BRINP3: variants seen among roughly 807,000 people sequenced by gnomAD.
BRINP3 encodes BMP/retinoic acid-inducible neural-specific protein 3.
Under a neutral mutation model 71.0 loss-of-function variants are expected in BRINP3, and 19 were observed. That is an observed-to-expected ratio of 0.27 (90% confidence interval 0.19 to 0.39). The LOEUF (loss-of-function observed/expected upper bound fraction) is 0.39, where lower values mean the gene tolerates loss of function less well. Ranked by LOEUF, BRINP3 falls within the 10% of genes least tolerant of loss-of-function variation. The pLI is 1.00. For synonymous variants in BRINP3, 380 were observed against 337.7 expected (o/e 1.13, Z -1.37); for missense variants, 959 against 940.8 (o/e 1.02, Z -0.25).
chr1:190,102,171 T>G lies in BRINP3; in HGVS notation c.1185-3037A>C, dbSNP rs146520365. Among the ~76,000 whole-genome samples, 199 of 152,280 alleles carry G rather than the reference T, an allele frequency of 1.3e-3. 2 individuals are homozygous for G. In the East Asian group the frequency reaches 0.036, roughly 27 times the overall value. Reference sequence around the variant, plus strand: ...AAGAAAGAAGAAATTTAGTTACCTGTCTTTTCTTTACTCCTTGTGTAATCT... The same window carrying G: ...AAGAAAGAAGAAATTTAGTTACCTGGCTTTTCTTTACTCCTTGTGTAATCT... On this transcript the variant is annotated intron_variant, in intron 7 of 7. Transcript: ENST00000367462.
chr1:190,365,461 T>C (rs1231788249), intron 2 of BRINP3, among the ~76,000 whole-genome samples: 2 of 150,912 alleles, frequency 1.3e-5, no homozygotes. Flanking sequence ...GGGAGATAGG[T>C]ATTAAACAAA....
intron 4 of BRINP3, among the ~76,000 whole-genome samples, chr1:190,261,187 A>G (rs1464876220): frequency 6.6e-6 from 1 of 151,984 alleles, no homozygotes; most frequent in Non-Finnish European, 1.5e-5. Context: ...ATCACCGTCA[A>G]TTATATAGCA....
chr1:190,435,793 A>G (rs910148118), intron 2 of BRINP3, among the ~76,000 whole-genome samples: 2 of 151,980 alleles, frequency 1.3e-5, no homozygotes, highest in South Asian at 2.1e-4. Flanking sequence ...TACCTCCAGT[A>G]CCATACTTGT....
intron 2 of BRINP3, among the ~76,000 whole-genome samples, chr1:190,371,936 A>G (rs1669895034): frequency 1.3e-5 from 2 of 152,152 alleles, no homozygotes; most frequent in African/African-American, 4.8e-5. Context: ...TCACGGTGAC[A>G]TAAGCTTCAG....
intron 6 of BRINP3, among the ~76,000 whole-genome samples, chr1:190,218,662 T>C (rs1656614186): frequency 2.6e-5 from 4 of 152,166 alleles, no homozygotes; most frequent in African/African-American, 7.2e-5. Flanking sequence ...TGCTATGCTA[T>C]AGATCTCAAA....
chr1:190,233,811 A>G (rs772500270), intron 5 of BRINP3, among the ~76,000 whole-genome samples: 33 of 152,186 alleles, frequency 2.2e-4, no homozygotes, highest in Non-Finnish European at 4.4e-4. Context: ...AATACTCTTT[A>G]TTGAATATCT....
At chr1:190,347,479 T>C (rs1461204313) in intron 2 of BRINP3, among the ~76,000 whole-genome samples, 2 of 152,116 alleles carry the variant, frequency 1.3e-5, no homozygotes, top group Non-Finnish European at 2.9e-5. Context: ...TTATGCAAAA[T>C]TGGAATTTTA....
intron 2 of BRINP3, among the ~76,000 whole-genome samples, chr1:190,436,274 G>C (rs1173294966): frequency 2.0e-5 from 3 of 151,912 alleles, no homozygotes; most frequent in African/African-American, 7.2e-5. Context: ...TGAATCAGAA[G>C]CATATTTTTT....
intron 2 of BRINP3, among the ~76,000 whole-genome samples, chr1:190,382,404 T>A (rs2102255397): frequency 6.6e-6 from 1 of 152,180 alleles, no homozygotes; most frequent in South Asian, 2.1e-4. Context: ...AAATTAGAAA[T>A]GTGGACTCAT....
At chr1:190,455,768 G>A (rs1027230683) in intron 1 of BRINP3, among the ~76,000 whole-genome samples, 16 of 152,042 alleles carry the variant, frequency 1.1e-4, no homozygotes, top group Non-Finnish European at 4.4e-5. Context: ...TTAAGCTAAT[G>A]CAGACTATTC....
intron 7 of BRINP3, among the ~76,000 whole-genome samples, chr1:190,123,023 A>G (rs1263213972): frequency 1.3e-5 from 2 of 152,064 alleles, no homozygotes. Context: ...TTTCTAACAC[A>G]TTATTCTTGA....
chr1:190,108,514 C>G (rs1255974525), intron 7 of BRINP3, among the ~76,000 whole-genome samples: 1 of 151,024 alleles, frequency 6.6e-6, no homozygotes, highest in African/African-American at 2.4e-5. Context: ...GGTATTATCT[C>G]TTAATTTTTC....
intron 4 of BRINP3, among the ~76,000 whole-genome samples, chr1:190,260,186 T>A (rs1421195536): frequency 6.6e-6 from 1 of 151,864 alleles, no homozygotes; most frequent in Non-Finnish European, 1.5e-5. Flanking sequence ...GAGCACAAAG[T>A]TGCAGTTATA....
chr1:190,355,942 T>C (rs1668700721), intron 2 of BRINP3, among the ~76,000 whole-genome samples: 1 of 152,044 alleles, frequency 6.6e-6, no homozygotes, highest in South Asian at 2.1e-4. Flanking sequence ...CCTAGCGAGA[T>C]AGCTAGGTAG....
intron 2 of BRINP3, among the ~76,000 whole-genome samples, chr1:190,318,020 A>G (rs1558177136): frequency 6.6e-6 from 1 of 152,256 alleles, no homozygotes; most frequent in South Asian, 2.1e-4. Flanking sequence ...ATTTGAATGA[A>G]TAAATAAAAA....
At chr1:190,264,205 C>CT (rs80017414) in intron 4 of BRINP3, among the ~76,000 whole-genome samples, 1 of 151,784 alleles carries the variant, frequency 6.6e-6, no homozygotes, top group Non-Finnish European at 1.5e-5. Flanking sequence ...CTCTCATTTT[C>CT]TTTTTTTTCT....
rs983014937 is a variant in BRINP3, at chr1:190,317,137, G to A, written c.237-35387C>T. Among the ~76,000 whole-genome samples, 63 of 142,912 alleles carry A rather than the reference G, an allele frequency of 4.4e-4. 1 individual carries two copies. Among genetic ancestry groups the A allele is most frequent in the African/African-American group, 1.8e-4 (7 of 37,948 alleles). 93.8% of individuals were successfully genotyped at this position (142,912 alleles called of 152,430 possible). A position where few individuals can be genotyped will look rare whatever the true frequency, so the allele number is the denominator to read the frequency against. On this transcript the variant is annotated intron_variant, in intron 2 of 7. Coordinates refer to ENST00000367462, the MANE Select transcript of BRINP3 (RefSeq NM_199051.3). ...CAATGAGCCGAGATTGGGCCACTGC[G>A]CTCCAGAGTGGGTGGCTGAGCGAGA... is the stretch of plus-strand genomic sequence containing the variant.
chr1:190,187,906 T>G (rs951661240), intron 6 of BRINP3, among the ~76,000 whole-genome samples: 28 of 152,110 alleles, frequency 1.8e-4, no homozygotes, highest in African/African-American at 6.0e-4. Context: ...TTTTTCTATT[T>G]TTTTTGAAAA....
intron 2 of BRINP3, among the ~76,000 whole-genome samples, chr1:190,327,311 T>A: frequency 1.6e-5 from 1 of 61,772 alleles, no homozygotes; most frequent in South Asian, 5.4e-4. Flanking sequence ...CGAGGCTCCA[T>A]CTCAAAAAAA....
Sources: gnomAD v4.1 joint callset for allele counts (sites outside exome capture counted in the v4.1 genomes callset) on GRCh38, gnomAD v4.1.1 for gene constraint, MANE v1.5 for transcripts, NCBI Gene and HGNC (gene_info 2026-07-23, HGNC 2026-07-21) for gene names.